The following HOXC12 variants were observed in gnomAD, a reference collection of about 807,000 sequenced individuals.
HOXC12 encodes the protein homeobox C12.
A neutral mutation model predicts 20.9 loss-of-function variants in HOXC12; 24 were observed. That is an observed-to-expected ratio of 1.15 (90% CI 0.83 to 1.61). The LOEUF is 1.61. Ranked by LOEUF, HOXC12 falls within the 40% of genes most tolerant of loss-of-function variation. HOXC12 has a pLI of 0.00. For missense variants in HOXC12, 436 were observed against 406.9 expected (o/e 1.07, Z -0.62); for synonymous variants, 202 against 197.7 (o/e 1.02, Z -0.18).
chr12:53,955,976 T>C (rs571652489), intron 1 of HOXC12, among the ~76,000 whole-genome samples: 2 of 151,892 alleles, frequency 1.3e-5, no homozygotes, highest in African/African-American at 4.8e-5. Flanking sequence ...TCCTGAAGGA[T>C]GTGAGAGGAA....
At chr12:53,956,179 T>G in intron 1 of HOXC12, 149 bp from the exon 2 acceptor site, 1 of 608,412 alleles carries the variant, frequency 1.6e-6, no homozygotes, top group Non-Finnish European at 2.8e-6. Flanking sequence ...GAAAAGACGA[T>G]TCAGATGACT....
In HOXC12 at chr12:53,955,552, G is replaced by T; in HGVS notation, c.610+13G>T. 1 of 1,406,460 alleles carries T rather than the reference G, an allele frequency of 7.1e-7. No individual in the cohort carries two copies. The highest frequency in any genetic ancestry group is 9.3e-7 in the Non-Finnish European group (1 of 1,080,842). The allele number at this position is 1,406,460 out of a possible 1,614,324, so 87.1% of individuals were successfully genotyped here. A position where few individuals can be genotyped will look rare whatever the true frequency, so the allele number is the denominator to read the frequency against. On this transcript the variant is annotated intron_variant, in intron 1 of 1. Transcript: ENST00000243103. ...CTCTCGGCCAGCGGTAAGGACCCCG[G>T]CCACTCAAGCGGCGGATTCAAACCC...
Position 53,957,938 on chromosome 12 carries a change from C to A in HOXC12, c.*1372C>A, listed in dbSNP as rs1753677119. On this transcript the variant is annotated 3_prime_UTR_variant, in exon 2 of 2. Coordinates refer to ENST00000243103, the MANE Select transcript of HOXC12 (RefSeq NM_173860.3). Reference sequence around the variant, plus strand: ...GACTTTCATCCAGACTCCTTCAGACCCCAGCCCCAGCCCAGTAGACGCTGG... The same window carrying A: ...GACTTTCATCCAGACTCCTTCAGACACCAGCCCCAGCCCAGTAGACGCTGG... The A allele has an allele frequency of 6.6e-6, 1 of 152,348 alleles. No individual in the cohort carries two copies. The highest frequency in any genetic ancestry group is 2.4e-5 in the African/African-American group (1 of 41,454). The allele number at this position is 152,348 out of a possible 1,614,324, so 9.4% of individuals were successfully genotyped here.
At position 53,954,926 on chromosome 12, in the gene HOXC12, G is replaced by A; in HGVS notation, c.-4G>A. On this transcript the variant is annotated 5_prime_UTR_variant, in exon 1 of 2. Coordinates refer to ENST00000243103, the MANE Select transcript of HOXC12 (RefSeq NM_173860.3). ...GTAGAAGCTGCCGGTCGGGCCCCGCGGAAATGGGCGAGCATAATCTCCTGA... is the reference window on the plus strand; with the variant it reads ...GTAGAAGCTGCCGGTCGGGCCCCGCAGAAATGGGCGAGCATAATCTCCTGA... The A allele has an allele frequency of 6.2e-7, 1 of 1,603,388 alleles. No individual in the cohort carries two copies.
chr12:53,955,293 G>C lies in HOXC12; in HGVS notation c.364G>C (p.Ala122Pro), dbSNP rs1002849613. 8 of 1,414,590 alleles carry C rather than the reference G, an allele frequency of 5.7e-6. No homozygotes were observed. The highest frequency in any genetic ancestry group is 7.3e-6 in the Non-Finnish European group (8 of 1,092,992). 87.6% of individuals were successfully genotyped at this position (1,414,590 alleles called of 1,614,324 possible). A position where few individuals can be genotyped will look rare whatever the true frequency, so the allele number is the denominator to read the frequency against. Residue 122 changes from alanine (A) to proline (P), a missense_variant, in exon 1 of 2, where the codon GCA (alanine) becomes CCA (proline). Transcript: ENST00000243103. ...RGRDPGAGPG[A>P]ALLPLEPSGP... ...GCGCGACCCGGGAGCCGGGCCCGGG[G>C]CAGCGCTGCTCCCGCTGGAGCCGTC...
At position 53,956,713 on chromosome 12, in the gene HOXC12, G is replaced by T; in HGVS notation, c.*147G>T. The T allele has an allele frequency of 1.5e-6, 1 of 652,862 alleles. No homozygotes were observed. Among genetic ancestry groups the T allele is most frequent in the East Asian group, 2.7e-5 (1 of 36,474 alleles). The allele number at this position is 652,862 out of a possible 1,614,324, so 40.4% of individuals were successfully genotyped here. A position where few individuals can be genotyped will look rare whatever the true frequency, so the allele number is the denominator to read the frequency against. ...ATATCCTCTTGTCTGTTTTGTTCGTGGTTCCCTCCCATACACACCCAAAAC... is the reference window on the plus strand; with the variant it reads ...ATATCCTCTTGTCTGTTTTGTTCGTTGTTCCCTCCCATACACACCCAAAAC... On this transcript the variant is annotated 3_prime_UTR_variant, in exon 2 of 2. Transcript: ENST00000243103.
rs199737087 is a variant in HOXC12, at chr12:53,955,239, G to C, written c.310G>C (p.Gly104Arg). 986 of 1,586,674 alleles carry C rather than the reference G, an allele frequency of 6.2e-4. 5 individuals carry two copies. The African/African-American group carries it at 9.9e-3, about 16-fold the overall frequency. The change falls in exon 1 of 2, where the codon GGC (glycine) becomes CGC (arginine). Residue 104 changes from glycine to arginine, a missense_variant. Coordinates refer to ENST00000243103, the MANE Select transcript of HOXC12 (RefSeq NM_173860.3). The stretch of plus-strand genomic sequence containing the variant: ...CCGCGAGCCGTGCGCCGAGGGTGGC[G>C]GCGGGGGCCTGAAGCGTGAGGAGCG... ...YYREPCAEGG[G>R]GGLKREERGR...
rs1224793569 is a variant in HOXC12, at chr12:53,958,388, C to A, written c.*1822C>A. 6.6e-6 allele frequency: 1 copy of A among 152,300 alleles called. No homozygotes were observed. Among genetic ancestry groups the A allele is most frequent in the Non-Finnish European group, 1.5e-5 (1 of 68,074 alleles). The allele number at this position is 152,300 out of a possible 1,614,324, so 9.4% of individuals were successfully genotyped here. The stretch of plus-strand genomic sequence containing the variant: ...AGCAGAATGGAGATAAAATCACATG[C>A]CTCCATCCCCCGCTGGGTATCTGAC... On this transcript the variant is annotated 3_prime_UTR_variant, in exon 2 of 2. Coordinates refer to ENST00000243103, the MANE Select transcript of HOXC12 (RefSeq NM_173860.3).
Position 53,955,338 on chromosome 12 carries a change from T to C in HOXC12, c.409T>C (p.Phe137Leu). 7.1e-7 allele frequency: 1 copy of C among 1,405,936 alleles called. No homozygotes were observed. The highest frequency in any genetic ancestry group is 9.2e-7 in the Non-Finnish European group (1 of 1,086,874). 87.1% of individuals were successfully genotyped at this position (1,405,936 alleles called of 1,614,324 possible). A position where few individuals can be genotyped will look rare whatever the true frequency, so the allele number is the denominator to read the frequency against. Reference protein sequence around the residue: ...LEPSGPPALGFKYDYAAGGGG... With the variant: ...LEPSGPPALGLKYDYAAGGGG... Reference sequence around the variant, plus strand: ...GCCGTCGGGGCCGCCTGCGCTCGGCTTCAAGTACGACTACGCGGCGGGCGG... The same window carrying C: ...GCCGTCGGGGCCGCCTGCGCTCGGCCTCAAGTACGACTACGCGGCGGGCGG... The change falls in exon 1 of 2, where the codon TTC becomes CTC. Residue 137 changes from phenylalanine (F) to leucine (L), a missense_variant. Physicochemically the swap from Phe to Leu is conservative, Grantham distance 22 (BLOSUM62 0). Coordinates refer to ENST00000243103, the MANE Select transcript of HOXC12 (RefSeq NM_173860.3).
rs1196635592 is a variant in HOXC12 at position 53,956,466 on chromosome 12, G to A, written c.749G>A (p.Arg250His). The stretch of plus-strand genomic sequence containing the variant: ...CAGCGCCGGAGGGAACTCTCAGACC[G>A]CTTGAATCTTAGTGACCAGCAGGTC... ...TRQRRRELSD[R>H]LNLSDQQVKI... Residue 250 changes from arginine to histidine, a missense_variant, in exon 2 of 2, where the codon CGC becomes CAC. Physicochemically the swap from Arg to His is conservative, Grantham distance 29 (BLOSUM62 0). Transcript: ENST00000243103. 1.9e-6 allele frequency: 3 copies of A among 1,614,068 alleles called. No homozygotes were observed. Among genetic ancestry groups the A allele is most frequent in the African/African-American group, 1.3e-5 (1 of 74,936 alleles).
In HOXC12 at chr12:53,956,358, C is replaced by G; in HGVS notation, c.641C>G (p.Ser214Cys). 6.2e-7 allele frequency: 1 copy of G among 1,601,714 alleles called. No individual in the cohort carries two copies. The highest frequency in any genetic ancestry group is 8.5e-7 in the Non-Finnish European group (1 of 1,173,906). The change falls in exon 2 of 2, where the codon TCT becomes TGT. Residue 214 changes from serine to cysteine, a missense_variant. Coordinates refer to ENST00000243103, the MANE Select transcript of HOXC12 (RefSeq NM_173860.3). ...CCCTGGTACCCGATCAACAGCCGCT[C>G]TCGGAAGAAGCGCAAGCCCTATTCG... ...GAPWYPINSR[S>C]RKKRKPYSKL...
Position 53,954,916 on chromosome 12 carries a change from C to T in HOXC12, c.-14C>T, listed in dbSNP as rs1050489471. 4 of 1,601,092 alleles carry T rather than the reference C, an allele frequency of 2.5e-6. No individual in the cohort carries two copies. Among genetic ancestry groups the T allele is most frequent in the South Asian group, 1.1e-5 (1 of 90,364 alleles). On this transcript the variant is annotated 5_prime_UTR_variant, in exon 1 of 2. Coordinates refer to ENST00000243103, the MANE Select transcript of HOXC12 (RefSeq NM_173860.3). ...TAGCAATAAAGTAGAAGCTGCCGGT[C>T]GGGCCCCGCGGAAATGGGCGAGCAT...
At chr12:53,956,260 G>A in intron 1 of HOXC12, 68 bp from the exon 2 acceptor site, 1 of 1,302,550 alleles carries the variant, frequency 7.7e-7, no homozygotes, top group Non-Finnish European at 1.1e-6. Flanking sequence ...GTCTGGGGAA[G>A]GGCCAAGGGC....
At position 53,956,701 on chromosome 12, in the gene HOXC12, T is replaced by A; in HGVS notation, c.*135T>A. ...GGCCCTCCCTGGATATCCTCTTGTC[T>A]GTTTTGTTCGTGGTTCCCTCCCATA... On this transcript the variant is annotated 3_prime_UTR_variant, in exon 2 of 2. Coordinates refer to ENST00000243103, the MANE Select transcript of HOXC12 (RefSeq NM_173860.3). 1.5e-6 allele frequency: 1 copy of A among 686,632 alleles called. No homozygotes were observed. The highest frequency in any genetic ancestry group is 2.5e-6 in the Non-Finnish European group (1 of 396,944). The allele number at this position is 686,632 out of a possible 1,614,324, so 42.5% of individuals were successfully genotyped here.
Position 53,954,909 on chromosome 12 carries a change from TGCCGGTCGG to T in HOXC12, c.-17_-9del. 2 of 1,598,404 alleles carry T rather than the reference TGCCGGTCGG, an allele frequency of 1.3e-6. No individual in the cohort carries two copies. The highest frequency in any genetic ancestry group is 1.7e-6 in the Non-Finnish European group (2 of 1,168,408). On this transcript the variant is annotated 5_prime_UTR_variant, in exon 1 of 2. Transcript: ENST00000243103. ...TGTCAGATAGCAATAAAGTAGAAGC[TGCCGGTCGG>T]GCCCCGCGGAAATGGGCGAGCATAA...
At position 53,955,472 on chromosome 12, in the gene HOXC12, C is replaced by T. The variant is rs1237245943; in HGVS notation, c.543C>T (p.Gly181=). 6.6e-7 allele frequency: 1 copy of T among 1,503,838 alleles called. No homozygotes were observed. Among genetic ancestry groups the T allele is most frequent in the East Asian group, 2.7e-5 (1 of 36,980 alleles). 93.2% of individuals were successfully genotyped at this position (1,503,838 alleles called of 1,614,324 possible). Residue 181 remains glycine (G), a synonymous_variant, in exon 1 of 2, where the codon GGC becomes GGT. Transcript: ENST00000243103. Reference sequence around the variant, plus strand: ...CCCTGCTCAACGAGGGCAACAAGGGCGCCGGCGCAGGCGACCCCGGCAGCT... The same window carrying T: ...CCCTGCTCAACGAGGGCAACAAGGGTGCCGGCGCAGGCGACCCCGGCAGCT... The part of the protein sequence containing the change: ...SSSLLNEGNK[G]AGAGDPGSLV...
At position 53,957,585 on chromosome 12, in the gene HOXC12, T is replaced by TCACG. The variant is rs1938889520; in HGVS notation, c.*1019_*1020insCACG. 2 of 151,472 alleles carry TCACG rather than the reference T, an allele frequency of 1.3e-5. No individual in the cohort carries two copies. Among genetic ancestry groups the TCACG allele is most frequent in the African/African-American group, 2.4e-5 (1 of 40,868 alleles). The allele number at this position is 151,472 out of a possible 1,614,324, so 9.4% of individuals were successfully genotyped here. A position where few individuals can be genotyped will look rare whatever the true frequency, so the allele number is the denominator to read the frequency against. On this transcript the variant is annotated 3_prime_UTR_variant, in exon 2 of 2. Coordinates refer to ENST00000243103, the MANE Select transcript of HOXC12 (RefSeq NM_173860.3). The stretch of plus-strand genomic sequence containing the variant: ...CTTCCCCGCTGGCGTTCACGGTCAC[T>TCACG]GCCTCACGGGCCGGCCAGAGGGTGG...
chr12:53,955,665 T>C (rs1938854318), intron 1 of HOXC12, 126 bp downstream of exon 1: 2 of 1,114,130 alleles, frequency 1.8e-6, no homozygotes, highest in African/African-American at 3.2e-5. Context: ...TCTTATAAAA[T>C]GAAGTGCGGG....
rs1044188242 is a variant in HOXC12 at position 53,956,318 on chromosome 12, C to T, written c.611-10C>T. The T allele has an allele frequency of 2.5e-6, 4 of 1,573,858 alleles. No individual in the cohort carries two copies. The African/African-American group carries it at 4.1e-5, about 16-fold the overall frequency. Reference sequence around the variant, plus strand: ...CCTTTGGCCAACCCCTGCCATTCATCTCCACCCAGGCGCGCCCTGGTACCC... The same window carrying T: ...CCTTTGGCCAACCCCTGCCATTCATTTCCACCCAGGCGCGCCCTGGTACCC... On this transcript the variant is annotated splice_polypyrimidine_tract_variant and intron_variant, in intron 1 of 1. Coordinates refer to ENST00000243103, the MANE Select transcript of HOXC12 (RefSeq NM_173860.3).
Sources: allele counts gnomAD v4.1 joint callset (sites outside exome capture counted in the v4.1 genomes callset), GRCh38; gene constraint gnomAD v4.1.1; transcripts MANE v1.5; gene names NCBI Gene and HGNC (gene_info 2026-07-23, HGNC 2026-07-21).